ALK: variants seen among roughly 807,000 people sequenced by gnomAD.
ALK encodes the protein ALK receptor tyrosine kinase.
ALK carries 74 observed loss-of-function variants against 163.1 expected under a neutral mutation model. The ratio of observed to expected loss-of-function variants is 0.45; its 90% CI spans 0.38 to 0.55. The LOEUF (loss-of-function observed/expected upper bound fraction) is 0.55. Ranked by LOEUF, ALK falls within the 20% of genes least tolerant of loss-of-function variation. The pLI, the probability that ALK is intolerant of heterozygous loss-of-function variation, is 0.00. For missense variants in ALK, 2,063 were observed against 2,105.3 expected (o/e 0.98, Z 0.39); for synonymous variants, 960 against 843.2 (o/e 1.14, Z -2.40).
At chr2:29,280,744 C>A (rs1665694424) in intron 9 of ALK, among the ~76,000 whole-genome samples, 1 of 149,246 alleles carries the variant, frequency 6.7e-6, no homozygotes, top group Non-Finnish European at 1.5e-5. Flanking sequence ...ATCAGGTGGA[C>A]CCTCTTGGAC....
chr2:29,296,952 C>T lies in ALK; in HGVS notation c.1753G>A (p.Ala585Thr), dbSNP rs772496459. 24 of 1,614,062 alleles carry T rather than the reference C, an allele frequency of 1.5e-5. No homozygotes were observed. The highest frequency in any genetic ancestry group is 5.3e-5 in the African/African-American group (4 of 74,944). The part of the protein sequence containing the change: ...KEQGRMVWHV[A>T]AYEGLSLWQW... The stretch of plus-strand genomic sequence containing the variant: ...CACAGGCTCAAGCCTTCATAGGCGG[C>T]GACATGCCAGACCATCCTGCCTTGC... Residue 585 changes from alanine (A) to threonine (T), a missense_variant, in exon 9 of 29, where the codon GCC becomes ACC. Ala to Thr is a moderately conservative substitution (Grantham distance 58). Around this residue, in one of 5 missense-constraint regions of ALK, gnomAD observed 987 missense variants for 939.5 expected, o/e 1.05. Coordinates refer to ENST00000389048, the MANE Select transcript of ALK (RefSeq NM_004304.5).
At chr2:29,256,611 T>G (rs1323669045) in intron 11 of ALK, among the ~76,000 whole-genome samples, 1 of 149,686 alleles carries the variant, frequency 6.7e-6, no homozygotes, top group Non-Finnish European at 1.5e-5. Context: ...TTTTGAGTGT[T>G]TTTTTTTTTT....
At chr2:29,570,445 A>G (rs1036306976) in intron 3 of ALK, among the ~76,000 whole-genome samples, 21 of 152,298 alleles carry the variant, frequency 1.4e-4, no homozygotes, top group African/African-American at 5.1e-4. Flanking sequence ...GAATGTTAAA[A>G]TTCTGGGAGA....
At chr2:29,585,732 C>T (rs1440232009) in intron 3 of ALK, among the ~76,000 whole-genome samples, 1 of 151,948 alleles carries the variant, frequency 6.6e-6, no homozygotes, top group Non-Finnish European at 1.5e-5. Context: ...TAAATATTCT[C>T]TATATTTACC....
intron 4 of ALK, among the ~76,000 whole-genome samples, chr2:29,477,010 G>C (rs781008497): frequency 6.6e-6 from 1 of 152,164 alleles, no homozygotes; most frequent in Non-Finnish European, 1.5e-5. Flanking sequence ...GAGTTGATGC[G>C]AAGGGGTGGA....
chr2:29,680,666 G>C (rs1215327648), intron 3 of ALK, among the ~76,000 whole-genome samples: 2 of 151,714 alleles, frequency 1.3e-5, no homozygotes, highest in African/African-American at 4.8e-5. Flanking sequence ...CTACTTTTAA[G>C]GTTTTATTTT....
At chr2:29,860,231 G>T (rs900592142) in intron 1 of ALK, among the ~76,000 whole-genome samples, 1 of 152,076 alleles carries the variant, frequency 6.6e-6, no homozygotes, top group Non-Finnish European at 1.5e-5. Context: ...GGGATTATTG[G>T]TTTGTTTGTT....
rs1017584032 is a variant in ALK, at chr2:29,744,617, T to C, written c.668-26920A>G. 3.3e-5 allele frequency among the ~76,000 whole-genome samples: 5 copies of C among 152,108 alleles called. No individual in the cohort carries two copies. In the East Asian group the frequency reaches 7.7e-4, roughly 23 times the overall value. ...GGAAATTATTTTATTGATTGATTGATTGAGACAGAGTCTCTCTCTGTCACC... is the reference window on the plus strand; with the variant it reads ...GGAAATTATTTTATTGATTGATTGACTGAGACAGAGTCTCTCTCTGTCACC... On this transcript the variant is annotated intron_variant, in intron 1 of 28. Coordinates refer to ENST00000389048, the MANE Select transcript of ALK (RefSeq NM_004304.5).
At chr2:29,655,814 T>A (rs985029854) in intron 3 of ALK, among the ~76,000 whole-genome samples, 6 of 152,226 alleles carry the variant, frequency 3.9e-5, no homozygotes, top group Admixed American at 6.5e-5. Context: ...TTCTGAAGGA[T>A]TGTGTTTAAG....
intron 1 of ALK, among the ~76,000 whole-genome samples, chr2:29,777,246 T>A (rs1397189626): frequency 1.3e-5 from 2 of 152,182 alleles, no homozygotes; most frequent in South Asian, 4.1e-4. Context: ...TGCAATGTAC[T>A]ATTATTTTAT....
At chr2:29,515,674 T>C (rs1474959774) in intron 4 of ALK, among the ~76,000 whole-genome samples, 2 of 145,120 alleles carry the variant, frequency 1.4e-5, no homozygotes, top group African/African-American at 5.1e-5. Context: ...CCCAATCATG[T>C]AGCAGACTAT....
rs536612989 is a variant in ALK at position 29,354,885 on chromosome 2, G to T, written c.1283-26404C>A. Among the ~76,000 whole-genome samples, 90 of 151,458 alleles carry T rather than the reference G, an allele frequency of 5.9e-4. 1 individual carries two copies. The highest frequency in any genetic ancestry group is 2.0e-3 in the African/African-American group (83 of 41,276). On this transcript the variant is annotated intron_variant, in intron 5 of 28. Coordinates refer to ENST00000389048, the MANE Select transcript of ALK (RefSeq NM_004304.5). ...AGGTTCACACCATTCTCCTGCCTCAGCCTCCCAAGTAGCTAGGACTACAGG... is the reference window on the plus strand; with the variant it reads ...AGGTTCACACCATTCTCCTGCCTCATCCTCCCAAGTAGCTAGGACTACAGG...
chr2:29,461,772 G>A (rs143483286), intron 4 of ALK, among the ~76,000 whole-genome samples: 142 of 152,174 alleles, frequency 9.3e-4, no homozygotes, highest in African/African-American at 3.3e-3. Context: ...CATTGATCAC[G>A]AAGTAATTTC....
intron 3 of ALK, among the ~76,000 whole-genome samples, chr2:29,657,291 G>C (rs1677211801): frequency 6.6e-6 from 1 of 152,172 alleles, no homozygotes; most frequent in South Asian, 2.1e-4. Context: ...TTGACTCAGA[G>C]TCAGAAGTCC....
chr2:29,703,401 T>C (rs562628733), intron 2 of ALK, among the ~76,000 whole-genome samples: 3 of 152,216 alleles, frequency 2.0e-5, no homozygotes, highest in Non-Finnish European at 2.9e-5. Context: ...TTCACAGGAA[T>C]AGAGCACAAG....
intron 3 of ALK, among the ~76,000 whole-genome samples, chr2:29,643,135 C>A (rs1239853676): frequency 6.6e-6 from 1 of 151,556 alleles, no homozygotes; most frequent in Non-Finnish European, 1.5e-5. Context: ...AGAAGATAAT[C>A]TTTTTGGCTG....
chr2:29,401,866 T>C (rs1266952868), intron 4 of ALK, among the ~76,000 whole-genome samples: 2 of 152,194 alleles, frequency 1.3e-5, no homozygotes, highest in Non-Finnish European at 2.9e-5. Flanking sequence ...ATTTCAGAAC[T>C]GGCCTATAAA....
At chr2:29,631,416 A>G (rs1676371103) in intron 3 of ALK, among the ~76,000 whole-genome samples, 1 of 152,188 alleles carries the variant, frequency 6.6e-6, no homozygotes, top group South Asian at 2.1e-4. Flanking sequence ...TGGCTCTACT[A>G]ATATTTGTGG....
chr2:29,780,712 A>T (rs558058160), intron 1 of ALK, among the ~76,000 whole-genome samples: 11 of 152,326 alleles, frequency 7.2e-5, no homozygotes, highest in African/African-American at 2.4e-4. Context: ...TTTCGGGGTA[A>T]CAGATGCCAC....
Sources: gnomAD v4.1 joint callset for allele counts (sites outside exome capture counted in the v4.1 genomes callset) on GRCh38, gnomAD v4.1.1 for gene constraint, gnomAD v4.1.1 regional missense constraint, MANE v1.5 for transcripts, NCBI Gene and HGNC (gene_info 2026-07-23, HGNC 2026-07-21) for gene names.